Variants in DNAH12 observed in about 807,000 individuals in gnomAD.
DNAH12 encodes dynein axonemal heavy chain 12.
In DNAH12, 285 loss-of-function variants were observed where a neutral mutation model predicts 371.5. That is an observed-to-expected ratio of 0.77 (90% CI 0.70 to 0.85). The LOEUF (loss-of-function observed/expected upper bound fraction) is 0.85. Among genes scored for constraint, DNAH12 ranks in the 40% least tolerant of loss-of-function variants. DNAH12 has a pLI of 0.00. For missense variants in DNAH12, 3,611 were observed against 3,689.4 expected, an observed-to-expected ratio of 0.98 and a Z score of 0.55; for synonymous variants, 1,200 against 1,213.0, an observed-to-expected ratio of 0.99 and a Z score of 0.22.
At chr3:57,421,841 T>A (rs972944470) in intron 35 of DNAH12, 135 bp from the exon 36 acceptor site, 2 of 854,386 alleles carry the variant, frequency 2.3e-6, no homozygotes, top group East Asian at 5.4e-5. Flanking sequence ...TAAAGTAGAA[T>A]GGAGCACTGC....
intron 65 of DNAH12, among the ~76,000 whole-genome samples, chr3:57,321,321 AG>A (rs1236886831): frequency 1.3e-5 from 2 of 152,308 alleles, no homozygotes; most frequent in East Asian, 3.9e-4. Context: ...CATTAAGCAG[AG>A]GGAAAATACC....
At chr3:57,448,588 T>C (rs556705575) in intron 25 of DNAH12, among the ~76,000 whole-genome samples, 3 of 152,308 alleles carry the variant, frequency 2.0e-5, no homozygotes, top group South Asian at 2.1e-4. Flanking sequence ...GAACAAAGCT[T>C]CCACAGCGTG....
Position 57,446,055 on chromosome 3 carries a change from G to A in DNAH12, c.4155C>T (p.Arg1385=), listed in dbSNP as rs1297550890. Residue 1385 remains arginine, a synonymous_variant, in exon 27 of 74, where the codon CGC becomes CGT. Coordinates refer to ENST00000495027, the MANE Select transcript of DNAH12 (RefSeq NM_001366028.2). ...CCTTAAGATTGTCCGGCAATTCAGA[G>A]CGTCCTGCATAGCCAGGATTCATGG... ...AITMNPGYAG[R]SELPDNLKVL... The A allele has an allele frequency of 6.5e-7, 1 of 1,550,108 alleles. No homozygotes were observed. Among genetic ancestry groups the A allele is most frequent in the East Asian group, 2.4e-5 (1 of 40,870 alleles).
At chr3:57,542,632 A>C in intron 2 of DNAH12, 69 bp downstream of exon 2, 1 of 1,476,852 alleles carries the variant, frequency 6.8e-7, no homozygotes. Context: ...AAAACTTTTT[A>C]GGAGAATATG....
intron 18 of DNAH12, among the ~76,000 whole-genome samples, chr3:57,462,202 T>G (rs1055927161): frequency 1.3e-5 from 2 of 152,030 alleles, no homozygotes; most frequent in African/African-American, 4.8e-5. Context: ...TCGTCTGGAT[T>G]CAGGACAAGT....
At chr3:57,325,980 G>C (rs1486517426) in intron 62 of DNAH12, among the ~76,000 whole-genome samples, 2 of 152,270 alleles carry the variant, frequency 1.3e-5, no homozygotes, top group East Asian at 1.9e-4. Context: ...GATGGAAGAT[G>C]AAATGAAGCG....
At chr3:57,467,017 A>AG (rs2066223322) in intron 17 of DNAH12, among the ~76,000 whole-genome samples, 1 of 151,970 alleles carries the variant, frequency 6.6e-6, no homozygotes, top group Non-Finnish European at 1.5e-5. Context: ...GGCCTCCCAA[A>AG]GCACTGGGAT....
chr3:57,404,627 GGA>G (rs1428787312), intron 42 of DNAH12, among the ~76,000 whole-genome samples: 1 of 152,152 alleles, frequency 6.6e-6, no homozygotes, highest in East Asian at 1.9e-4. Flanking sequence ...GGCTGAGGCA[GGA>G]GAATGGCTTG....
chr3:57,336,279 A>G (rs2062219640), intron 60 of DNAH12, among the ~76,000 whole-genome samples: 1 of 152,236 alleles, frequency 6.6e-6, no homozygotes, highest in Non-Finnish European at 1.5e-5. Context: ...TAACCAGGAA[A>G]AAAATTGGTC....
At chr3:57,374,041 GA>G (rs2063231856) in intron 55 of DNAH12, among the ~76,000 whole-genome samples, 1 of 152,112 alleles carries the variant, frequency 6.6e-6, no homozygotes, top group East Asian at 1.9e-4. Flanking sequence ...TCATCTAAAA[GA>G]AGAGTGAAAT....
intron 60 of DNAH12, among the ~76,000 whole-genome samples, chr3:57,338,959 AAG>A (rs1446395077): frequency 4.6e-5 from 7 of 152,238 alleles, no homozygotes; most frequent in African/African-American, 1.4e-4. Context: ...AGGGAAAAGA[AAG>A]AGAGATCAGA....
chr3:57,442,286 T>G (rs1289191266), intron 29 of DNAH12, among the ~76,000 whole-genome samples: 1 of 152,136 alleles, frequency 6.6e-6, no homozygotes, highest in Non-Finnish European at 1.5e-5. Context: ...AAGAGGCTTT[T>G]TTTTTTCAAA....
intron 2 of DNAH12, among the ~76,000 whole-genome samples, chr3:57,536,014 T>G (rs1306412388): frequency 6.6e-6 from 1 of 151,908 alleles, no homozygotes; most frequent in African/African-American, 2.4e-5. Flanking sequence ...TTTTTGTATT[T>G]TTAATAGAGA....
intron 60 of DNAH12, among the ~76,000 whole-genome samples, chr3:57,336,146 A>G (rs1307127387): frequency 6.6e-6 from 1 of 152,234 alleles, no homozygotes; most frequent in African/African-American, 2.4e-5. Flanking sequence ...TGCACCTAGA[A>G]TAAGTCTTGA....
intron 33 of DNAH12, among the ~76,000 whole-genome samples, chr3:57,429,167 T>TC (rs1028329905): frequency 7.9e-6 from 1 of 127,116 alleles, no homozygotes; most frequent in African/African-American, 3.0e-5. Flanking sequence ...AGATGCTCAC[T>TC]CCTCTCCACA....
intron 60 of DNAH12, among the ~76,000 whole-genome samples, chr3:57,348,186 A>G (rs2062588085): frequency 6.6e-6 from 1 of 152,232 alleles, no homozygotes; most frequent in South Asian, 2.1e-4. Flanking sequence ...AGCACTAAAA[A>G]GAAATAAGCT....
intron 60 of DNAH12, among the ~76,000 whole-genome samples, chr3:57,349,076 A>G (rs558943114): frequency 3.3e-5 from 5 of 152,342 alleles, no homozygotes; most frequent in East Asian, 1.9e-4. Context: ...CACAATCTAT[A>G]TATCTGGCAA....
chr3:57,351,261 T>C (rs1255648280), intron 60 of DNAH12, among the ~76,000 whole-genome samples: 2 of 151,422 alleles, frequency 1.3e-5, no homozygotes, highest in Admixed American at 6.6e-5. Flanking sequence ...AGAGTGAGAC[T>C]GTCTCAAAAC....
chr3:57,452,860 T>A lies in DNAH12; in HGVS notation c.3769A>T (p.Arg1257Trp). The A allele has an allele frequency of 6.5e-7, 1 of 1,548,022 alleles. No homozygotes were observed. Among genetic ancestry groups the A allele is most frequent in the South Asian group, 1.2e-5 (1 of 82,704 alleles). The change falls in exon 25 of 74, where the codon AGG (arginine) becomes TGG (tryptophan). Residue 1257 changes from arginine to tryptophan, a missense_variant. Arg to Trp is a moderately radical substitution (Grantham distance 101, BLOSUM62 -3). This residue lies in a region of DNAH12 where 2,266 missense variants were observed against 2,236.9 expected (regional missense o/e 1.01). Coordinates refer to ENST00000495027, the MANE Select transcript of DNAH12 (RefSeq NM_001366028.2). ...PRLVITPLTD[R>W]CYRTLIGAFY... ...ATGCATACCAATGTTCTGTAACACC[T>A]GTCAGTTAGAGGCGTAATGACAAGT...
Sources: allele counts gnomAD v4.1 joint callset (sites outside exome capture counted in the v4.1 genomes callset), GRCh38; gene constraint gnomAD v4.1.1; regional missense constraint gnomAD v4.1.1; transcripts MANE v1.5; gene names NCBI Gene and HGNC (gene_info 2026-07-23, HGNC 2026-07-21).